Variants in DRD2 observed in about 807,000 individuals in gnomAD.
DRD2 encodes the protein dopamine receptor D2.
A neutral mutation model predicts 38.0 loss-of-function variants in DRD2; 8 were observed. That is an observed-to-expected ratio of 0.21 (90% CI 0.12 to 0.38). The LOEUF (loss-of-function observed/expected upper bound fraction) is 0.38, where lower values mean the gene tolerates loss of function less well. Ranked by LOEUF, DRD2 falls within the 10% of genes least tolerant of loss-of-function variation. DRD2 has a pLI of 1.00. For synonymous variants in DRD2, 230 were observed against 238.6 expected (o/e 0.96, Z 0.33); for missense variants, 403 against 607.7 (o/e 0.66, Z 3.54).
intron 1 of DRD2, among the ~76,000 whole-genome samples, chr11:113,431,836 T>C (rs1950990344): frequency 6.6e-6 from 1 of 152,236 alleles, no homozygotes; most frequent in South Asian, 2.1e-4. Context: ...AATTTGGAAA[T>C]TAGCTAGCTC....
At chr11:113,413,324 T>G (rs770052122) in intron 6 of DRD2, 2 of 532,888 alleles carry the variant, frequency 3.8e-6, no homozygotes, top group Admixed American at 3.9e-5. Context: ...GTGCTCCCAC[T>G]TCATGGGTAC....
intron 1 of DRD2, among the ~76,000 whole-genome samples, chr11:113,457,153 G>A (rs114572414): frequency 4.5e-4 from 68 of 152,266 alleles, no homozygotes; most frequent in African/African-American, 1.6e-3. Flanking sequence ...AGACAGACCT[G>A]CATTTGAATC....
At chr11:113,420,627 A>G (rs905869131) in intron 2 of DRD2, among the ~76,000 whole-genome samples, 1 of 152,244 alleles carries the variant, frequency 6.6e-6, no homozygotes, top group African/African-American at 2.4e-5. Flanking sequence ...GGTGTGCAGC[A>G]GAGCTGGAAT....
At chr11:113,452,465 T>TGCGC (rs1160837850) in intron 1 of DRD2, among the ~76,000 whole-genome samples, 14 of 89,512 alleles carry the variant, frequency 1.6e-4, no homozygotes, top group African/African-American at 1.9e-4. Flanking sequence ...TGTGTGTGTG[T>TGCGC]GTGTGCGCGC....
chr11:113,462,151 T>C (rs750303428), intron 1 of DRD2, among the ~76,000 whole-genome samples: 10 of 152,186 alleles, frequency 6.6e-5, no homozygotes, highest in Non-Finnish European at 1.3e-4. Flanking sequence ...ATTAGATAAG[T>C]GGGCAGCTAT....
rs547941071 is a variant in DRD2, at chr11:113,417,330, G to T, written c.396-331C>A. On this transcript the variant is annotated intron_variant, in intron 3 of 7. Transcript: ENST00000362072. ...TTTTGAAACTGTACCCACTGCACTT[G>T]TGTTGAGCCCATAAGGTGGAAATGT... 6.6e-5 allele frequency among the ~76,000 whole-genome samples: 10 copies of T among 152,318 alleles called. No homozygotes were observed. In the South Asian group the frequency reaches 2.1e-3, roughly 32 times the overall value.
intron 3 of DRD2, among the ~76,000 whole-genome samples, chr11:113,417,809 A>T (rs966390296): frequency 1.3e-5 from 2 of 152,206 alleles, no homozygotes; most frequent in Admixed American, 6.5e-5. Context: ...TATGCTTGGC[A>T]GCATCACTGT....
intron 1 of DRD2, among the ~76,000 whole-genome samples, chr11:113,466,476 C>T (rs1418788968): frequency 6.6e-6 from 1 of 152,152 alleles, no homozygotes; most frequent in Non-Finnish European, 1.5e-5. Context: ...TAGGTTCCAA[C>T]CATTCAATAT....
At chr11:113,425,485 T>A (rs4986922) in intron 1 of DRD2, among the ~76,000 whole-genome samples, 1 of 152,104 alleles carries the variant, frequency 6.6e-6, no homozygotes, top group African/African-American at 2.4e-5. Flanking sequence ...GGCAAGATCA[T>A]AGAGGGCCTT....
At chr11:113,423,592 G>A (rs1421561478) in intron 2 of DRD2, among the ~76,000 whole-genome samples, 1 of 152,196 alleles carries the variant, frequency 6.6e-6, no homozygotes, top group Non-Finnish European at 1.5e-5. Context: ...ATTTTGTAAA[G>A]TGAGAAGAGT....
At chr11:113,419,512 T>G (rs1950863768) in intron 2 of DRD2, among the ~76,000 whole-genome samples, 1 of 88,028 alleles carries the variant, frequency 1.1e-5, no homozygotes, top group East Asian at 3.7e-4. Flanking sequence ...TAACACCCAT[T>G]CACACACAGG....
chr11:113,442,951 C>T (rs1251911663), intron 1 of DRD2, among the ~76,000 whole-genome samples: 1 of 152,116 alleles, frequency 6.6e-6, no homozygotes, highest in Non-Finnish European at 1.5e-5. Context: ...GTTCTGTCCC[C>T]CTCTTTTCTT....
intron 1 of DRD2, among the ~76,000 whole-genome samples, chr11:113,453,706 C>G (rs1172445389): frequency 6.6e-6 from 1 of 152,196 alleles, no homozygotes; most frequent in Non-Finnish European, 1.5e-5. Context: ...CGTTCCATGA[C>G]GGAGATGCCG....
intron 1 of DRD2, among the ~76,000 whole-genome samples, chr11:113,428,230 T>C (rs940767721): frequency 6.6e-6 from 1 of 152,036 alleles, no homozygotes; most frequent in African/African-American, 2.4e-5. Flanking sequence ...GCTCTCAGGA[T>C]CAAGATGTGC....
intron 1 of DRD2, among the ~76,000 whole-genome samples, chr11:113,429,549 C>T (rs893160257): frequency 1.3e-5 from 2 of 152,152 alleles, no homozygotes; most frequent in African/African-American, 2.4e-5. Context: ...CCGGCCAGTA[C>T]AGGGCTATCT....
intron 1 of DRD2, among the ~76,000 whole-genome samples, chr11:113,437,621 G>A (rs1951050770): frequency 6.6e-6 from 1 of 152,224 alleles, no homozygotes; most frequent in Admixed American, 6.5e-5. Flanking sequence ...TCTGACAAGG[G>A]AGCTCCGAGG....
At chr11:113,454,247 G>A (rs1951245351) in intron 1 of DRD2, among the ~76,000 whole-genome samples, 2 of 152,136 alleles carry the variant, frequency 1.3e-5, no homozygotes, top group South Asian at 4.1e-4. Flanking sequence ...CTAGTTACAG[G>A]TGAAGGAATT....
At position 113,449,714 on chromosome 11, in the gene DRD2, G is replaced by A. The variant is rs539109329; in HGVS notation, c.-31-25032C>T. Among the ~76,000 whole-genome samples the A allele has an allele frequency of 6.6e-5, 10 of 152,206 alleles. No individual in the cohort carries two copies. In the South Asian group the frequency reaches 1.7e-3, roughly 25 times the overall value. On this transcript the variant is annotated intron_variant, in intron 1 of 7. Transcript: ENST00000362072. Reference sequence around the variant, plus strand: ...AGTTAAGCTGTGATTTTAAGCTGGAGTAACAGTTGAAGAGAGTGCAGAAAT... The same window carrying A: ...AGTTAAGCTGTGATTTTAAGCTGGAATAACAGTTGAAGAGAGTGCAGAAAT...
intron 1 of DRD2, among the ~76,000 whole-genome samples, chr11:113,461,797 C>T (rs1951322048): frequency 6.6e-6 from 1 of 152,166 alleles, no homozygotes. Context: ...TTCCTTATGA[C>T]TATATAAAGC....
Sources: gnomAD v4.1 joint callset for allele counts (sites outside exome capture counted in the v4.1 genomes callset) on GRCh38, gnomAD v4.1.1 for gene constraint, MANE v1.5 for transcripts, NCBI Gene and HGNC (gene_info 2026-07-23, HGNC 2026-07-21) for gene names.